Variants in SLC67A2 observed in about 807,000 individuals in gnomAD.
The protein encoded by SLC67A2 is solute carrier family 67 member A2.
At chr2:102,718,535 C>T in the SLC67A2 span, 1 of 1,606,444 alleles carries the variant, frequency 6.2e-7, no homozygotes, top group South Asian at 1.1e-5. Flanking sequence ...GCCGCAAGGG[C>T]TGACCTCCTG....
At chr2:102,716,798 T>C in the SLC67A2 span, 1 of 152,216 alleles carries the variant, frequency 6.6e-6, no homozygotes, top group African/African-American at 2.4e-5. Flanking sequence ...GAACTTCAAC[T>C]GTCTGACAGG....
the SLC67A2 span, chr2:102,732,311 C>A: frequency 1.9e-6 from 3 of 1,606,894 alleles, no homozygotes; most frequent in Non-Finnish European, 1.7e-6. Context: ...TGAGCAATAT[C>A]GACCACTCAC....
At chr2:102,735,968 G>A in the SLC67A2 span, among the ~76,000 whole-genome samples, 2,327 of 152,012 alleles carry the variant, frequency 0.015, 70 homozygotes, top group African/African-American at 0.054. Context: ...CAAGTCAACC[G>A]AGAGCTCTAG....
the SLC67A2 span, chr2:102,723,621 T>C: frequency 7.2e-7 from 1 of 1,396,070 alleles, no homozygotes; most frequent in Non-Finnish European, 1.0e-6. Flanking sequence ...TAAAAACGAA[T>C]TGCAAAGAAA....
At chr2:102,725,189 T>C in the SLC67A2 span, among the ~76,000 whole-genome samples, 1 of 152,082 alleles carries the variant, frequency 6.6e-6, no homozygotes, top group East Asian at 1.9e-4. Context: ...AGTGGTTCCT[T>C]TTTAGGACAC....
the SLC67A2 span, chr2:102,726,963 G>A: frequency 9.9e-6 from 16 of 1,613,094 alleles, no homozygotes; most frequent in African/African-American, 6.7e-5. Flanking sequence ...CCACTACATC[G>A]CTCCAGCAGC....
At chr2:102,734,625 T>TATGTA in the SLC67A2 span, among the ~76,000 whole-genome samples, 1 of 152,202 alleles carries the variant, frequency 6.6e-6, no homozygotes, top group South Asian at 2.1e-4. Context: ...GACTTTCATG[T>TATGTA]AAAGCTTCAT....
the SLC67A2 span, among the ~76,000 whole-genome samples, chr2:102,722,483 T>C: frequency 6.6e-6 from 1 of 152,246 alleles, no homozygotes; most frequent in East Asian, 1.9e-4. Context: ...TCTTTCTTAC[T>C]TCCATAATTG....
At chr2:102,736,760 C>G in the SLC67A2 span, 2 of 1,613,758 alleles carry the variant, frequency 1.2e-6, no homozygotes, top group African/African-American at 2.7e-5. Flanking sequence ...CTGCGGTCTC[C>G]GAGACCAGCC....
the SLC67A2 span, among the ~76,000 whole-genome samples, chr2:102,723,256 G>T: frequency 2.0e-5 from 3 of 152,206 alleles, no homozygotes; most frequent in Admixed American, 2.0e-4. Flanking sequence ...GATCGCATGA[G>T]GTCAGGAGTT....
chr2:102,720,681 C>G, the SLC67A2 span, among the ~76,000 whole-genome samples: 1 of 152,068 alleles, frequency 6.6e-6, no homozygotes, highest in Non-Finnish European at 1.5e-5. Flanking sequence ...GACAATTTGC[C>G]CAAGGGTCAC....
chr2:102,718,982 A>G, the SLC67A2 span: 121,854 of 1,614,114 alleles, frequency 0.075, 5,386 homozygotes, highest in Non-Finnish European at 0.084. Context: ...CACCAGAAAT[A>G]TGTCCCACAT....
At chr2:102,723,630 A>T in the SLC67A2 span, 3 of 1,453,722 alleles carry the variant, frequency 2.1e-6, no homozygotes, top group Admixed American at 5.3e-5. Context: ...ATTGCAAAGA[A>T]ATAAGAGAAA....
the SLC67A2 span, among the ~76,000 whole-genome samples, chr2:102,719,976 C>T: frequency 6.6e-6 from 1 of 152,222 alleles, no homozygotes; most frequent in Non-Finnish European, 1.5e-5. Context: ...GTGGCTCTAA[C>T]CGCCACTCAG....
At chr2:102,726,377 T>C in the SLC67A2 span, among the ~76,000 whole-genome samples, 1 of 152,034 alleles carries the variant, frequency 6.6e-6, no homozygotes. Context: ...CCCAATACAG[T>C]AGTGTGATCA....
chr2:102,727,244 G>T, the SLC67A2 span, among the ~76,000 whole-genome samples: 1 of 151,922 alleles, frequency 6.6e-6, no homozygotes, highest in Non-Finnish European at 1.5e-5. Context: ...AGGCAGGAGA[G>T]ATGATAAAGT....
chr2:102,735,783 A>T, the SLC67A2 span, among the ~76,000 whole-genome samples: 1 of 151,970 alleles, frequency 6.6e-6, no homozygotes, highest in Non-Finnish European at 1.5e-5. Context: ...GAATCAGCTT[A>T]CTAAACTTTC....
chr2:102,719,241 T>C, the SLC67A2 span: 2 of 1,583,236 alleles, frequency 1.3e-6, no homozygotes, highest in Non-Finnish European at 1.7e-6. Flanking sequence ...TTAAAGCATC[T>C]GAATGCACTG....
the SLC67A2 span, among the ~76,000 whole-genome samples, chr2:102,725,698 G>A: frequency 1.4e-5 from 1 of 69,544 alleles, no homozygotes; most frequent in African/African-American, 5.2e-5. Context: ...AAAAGGCATG[G>A]TTAAGAATGT....
Sources: gnomAD v4.1 joint callset for allele counts (sites outside exome capture counted in the v4.1 genomes callset) on GRCh38, gnomAD v4.1.1 for gene constraint, MANE v1.5 for transcripts, NCBI Gene and HGNC (gene_info 2026-07-23, HGNC 2026-07-21) for gene names.